Variants in SOHLH1 observed in about 807,000 individuals in gnomAD.
SOHLH1 encodes the protein spermatogenesis and oogenesis specific basic helix-loop-helix 1.
SOHLH1 carries 23 observed loss-of-function variants against 36.2 expected under a neutral mutation model. The observed-to-expected ratio is 0.64, with a 90% CI of 0.46 to 0.90. SOHLH1 has a LOEUF of 0.90. SOHLH1 is among the 40% of genes least tolerant of loss of function. The probability of loss-of-function intolerance (pLI) is 0.00; values close to 1 mark genes in which losing one functional copy is unlikely to be tolerated. For missense variants in SOHLH1, 608 were observed against 517.0 expected (o/e 1.18, Z -1.71); for synonymous variants, 289 against 228.3 (o/e 1.27, Z -2.40).
Position 135,694,477 on chromosome 9 carries a change from C to T in SOHLH1, c.876-20G>A. 1 of 1,611,728 alleles carries T rather than the reference C, an allele frequency of 6.2e-7. No homozygotes were observed. Among genetic ancestry groups the T allele is most frequent in the Non-Finnish European group, 8.5e-7 (1 of 1,179,814 alleles). On this transcript the variant is annotated intron_variant, in intron 6 of 7. Transcript: ENST00000425225. Reference sequence around the variant, plus strand: ...GCAGACCTGGAAGCGACAAGCTCTTCCTCAGTGGCCACAAGCGGACCCAGA... The same window carrying T: ...GCAGACCTGGAAGCGACAAGCTCTTTCTCAGTGGCCACAAGCGGACCCAGA...
chr9:135,699,303 C>G, intron 1 of SOHLH1, 100 bp downstream of exon 1: 1 of 1,498,776 alleles, frequency 6.7e-7, no homozygotes, highest in Non-Finnish European at 9.1e-7. Context: ...GGGCTCCGCC[C>G]CAGGAGGCCC....
At chr9:135,698,586 G>T in intron 2 of SOHLH1, 110 bp from the exon 3 acceptor site, 1 of 1,493,564 alleles carries the variant, frequency 6.7e-7, no homozygotes, top group Non-Finnish European at 9.2e-7. Flanking sequence ...CAGGCAGAGG[G>T]GGCTACAAGA....
chr9:135,699,715 C>T (rs1453901228), upstream of SOHLH1, among the ~76,000 whole-genome samples: 1 of 152,148 alleles, frequency 6.6e-6, no homozygotes, highest in African/African-American at 2.4e-5. Flanking sequence ...TCTATGCCCC[C>T]GCAGGACGCC....
chr9:135,700,374 G>C (rs1330080868), upstream of SOHLH1, among the ~76,000 whole-genome samples: 2 of 152,182 alleles, frequency 1.3e-5, no homozygotes, highest in African/African-American at 4.8e-5. Flanking sequence ...ACGGAGGGAA[G>C]GGGGAGGTGG....
chr9:135,699,327 C>T, intron 1 of SOHLH1, 76 bp downstream of exon 1: 1 of 1,531,038 alleles, frequency 6.5e-7, no homozygotes, highest in Non-Finnish European at 8.9e-7. Flanking sequence ...ATGGGTGGAG[C>T]CCAGCAACTT....
chr9:135,702,108 C>A, upstream of SOHLH1: 1 of 616,596 alleles, frequency 1.6e-6, no homozygotes, highest in Non-Finnish European at 2.7e-6. Context: ...GGGGCGCGCG[C>A]GGACAGACGC....
In SOHLH1 at chr9:135,698,349, GC is replaced by G. The variant is rs761518301; in HGVS notation, c.324del (p.Ser110ValfsTer25). On this transcript the variant is annotated frameshift_variant, in exon 3 of 8. Transcript: ENST00000425225. LOFTEE classifies it high-confidence loss of function. The stretch of plus-strand genomic sequence containing the variant: ...CTCACAGCGTGCTGCTCCTGACTGG[GC>G]CCCAGGGCGCTGGCAAGCCGCAGGA... ...VQFLRLASAL[G>X]PSQEQHAILA... The G allele has an allele frequency of 6.2e-7, 1 of 1,612,982 alleles. No individual in the cohort carries two copies. Among genetic ancestry groups the G allele is most frequent in the South Asian group, 1.1e-5 (1 of 91,080 alleles).
At position 135,693,977 on chromosome 9, in the gene SOHLH1, C is replaced by G. The variant is rs79643407; in HGVS notation, c.947-163G>C. Reference sequence around the variant, plus strand: ...AGGTGGGTGAGCTCATACCTGGTGGCCCCAGACCCAGGACACCTGTTGGAC... The same window carrying G: ...AGGTGGGTGAGCTCATACCTGGTGGGCCCAGACCCAGGACACCTGTTGGAC... On this transcript the variant is annotated intron_variant, in intron 7 of 7. Transcript: ENST00000425225. 5 of 1,430,140 alleles carry G rather than the reference C, an allele frequency of 3.5e-6. No homozygotes were observed. In the African/African-American group the frequency reaches 5.7e-5, roughly 16 times the overall value. 88.6% of individuals were successfully genotyped at this position (1,430,140 alleles called of 1,614,324 possible).
At position 135,695,234 on chromosome 9, in the gene SOHLH1, C is replaced by G. The variant is rs1490078575; in HGVS notation, c.691G>C (p.Gly231Arg). 1 of 1,601,750 alleles carries G rather than the reference C, an allele frequency of 6.2e-7. No homozygotes were observed. Among genetic ancestry groups the G allele is most frequent in the Non-Finnish European group, 8.5e-7 (1 of 1,175,978 alleles). Residue 231 changes from glycine (G) to arginine (R), a missense_variant, in exon 6 of 8, where the codon GGC becomes CGC. Transcript: ENST00000425225. ...CTCACAGCCTTAGGAAGACTCCGGC[C>G]TGGGGGCCACGGCACCAGGCTGGAA... is the stretch of plus-strand genomic sequence containing the variant. ...EPSSLVPWPP[G>R]RSLPKAVRPP...
upstream of SOHLH1, chr9:135,702,104 C>T (rs1835053249): frequency 5.0e-6 from 3 of 601,852 alleles, no homozygotes; most frequent in Non-Finnish European, 5.6e-6. Context: ...GCAGGGGGCG[C>T]GCGCGGACAG....
rs776667698 is a variant in SOHLH1 at position 135,695,181 on chromosome 9, C to A, written c.744G>T (p.Ser248=). ...VRPPLSWPPF[S]QQQTLPVMSG... is the part of the protein sequence containing the mutation. ...TCATCACGGGCAAGGTCTGCTGCTG[C>A]GAGAACGGAGGCCAGGACAGGGGTG... The change falls in exon 6 of 8, where the codon TCG becomes TCT. Residue 248 remains serine (S), a synonymous_variant. Transcript: ENST00000425225. 1.9e-6 allele frequency: 3 copies of A among 1,604,236 alleles called. No individual in the cohort carries two copies. The South Asian group carries it at 3.4e-5, about 18-fold the overall frequency.
At chr9:135,699,375 C>T (rs543519149) in intron 1 of SOHLH1, 28 bp downstream of exon 1, 3 of 1,602,522 alleles carry the variant, frequency 1.9e-6, no homozygotes, top group Non-Finnish European at 2.6e-6. Flanking sequence ...GGGCCCCCAA[C>T]CCCTTGGCCG....
At chr9:135,698,020 G>A (rs1435621120) in intron 3 of SOHLH1, among the ~76,000 whole-genome samples, 2 of 152,170 alleles carry the variant, frequency 1.3e-5, no homozygotes, top group Non-Finnish European at 2.9e-5. Flanking sequence ...TGCTCAGCCA[G>A]GGAGGATCAG....
In SOHLH1 at chr9:135,693,741, C is replaced by A; in HGVS notation, c.1020G>T (p.Glu340Asp). Residue 340 changes from glutamate (E) to aspartate (D), a missense_variant, in exon 8 of 8, where the codon GAG becomes GAT. Physicochemically the swap from Glu to Asp is conservative, Grantham distance 45. Transcript: ENST00000425225. ...PAESSPLDVG[E>D]PGFLGDPELG... ...GCTCAGGGTCCCCTAGGAAGCCTGG[C>A]TCTCCAACATCCAGTGGACTGCTCT... is the stretch of plus-strand genomic sequence containing the variant. 6.3e-7 allele frequency: 1 copy of A among 1,576,246 alleles called. No individual in the cohort carries two copies. The highest frequency in any genetic ancestry group is 1.8e-5 in the Admixed American group (1 of 54,890).
chr9:135,697,140 C>A (rs1834834976), intron 4 of SOHLH1, among the ~76,000 whole-genome samples: 1 of 152,224 alleles, frequency 6.6e-6, no homozygotes, highest in Non-Finnish European at 1.5e-5. Flanking sequence ...CTGAAAAGAA[C>A]CAAATTATCT....
chr9:135,695,667 C>T (rs1834764217), intron 5 of SOHLH1, among the ~76,000 whole-genome samples: 1 of 152,134 alleles, frequency 6.6e-6, no homozygotes, highest in Non-Finnish European at 1.5e-5. Flanking sequence ...TGACACCAGC[C>T]CTGCCAACTG....
Position 135,699,452 on chromosome 9 carries a change from A to G in SOHLH1, c.16T>C (p.Ser6Pro), listed in dbSNP as rs777599451. 1.9e-6 allele frequency: 3 copies of G among 1,612,162 alleles called. No homozygotes were observed. Among genetic ancestry groups the G allele is most frequent in the Non-Finnish European group, 2.5e-6 (3 of 1,179,756 alleles). ...CTGGAGACCTCCGGGTAGGGCTCGG[A>G]GCACCGGGACGCCATGAACTCGCAG... MASRC[S>P]EPYPEVSRIP... is the part of the protein sequence containing the mutation. The change falls in exon 1 of 8, where the codon TCC becomes CCC. Residue 6 changes from serine to proline, a missense_variant. Ser to Pro is a moderately conservative substitution (Grantham distance 74). Transcript: ENST00000425225.
chr9:135,699,079 C>T lies in SOHLH1; in HGVS notation c.113G>A (p.Gly38Asp), dbSNP rs1365239761. Residue 38 changes from glycine (G) to aspartate (D), a missense_variant, in exon 2 of 8, where the codon GGC (glycine) becomes GAC (aspartate). Physicochemically the swap from Gly to Asp is moderately conservative, Grantham distance 94. Coordinates refer to ENST00000425225, the MANE Select transcript of SOHLH1 (RefSeq NM_001101677.2). ...ALSCCEDSAR[G>D]SGPPKAPTVA... ...CGTAGGGGCCTTGGGCGGGCCCGAG[C>T]CCCGGGCCGAGTCCTCGCAGCAGGA... The T allele has an allele frequency of 1.2e-6, 2 of 1,610,506 alleles. No homozygotes were observed. Among genetic ancestry groups the T allele is most frequent in the Admixed American group, 1.7e-5 (1 of 59,944 alleles).
At position 135,697,598 on chromosome 9, in the gene SOHLH1, G is replaced by A. The variant is rs769841874; in HGVS notation, c.375C>T (p.His125=). The change falls in exon 4 of 8, where the codon CAC becomes CAT. Residue 125 remains histidine (H), a synonymous_variant. Transcript: ENST00000425225. ...AILASSKEMW[H]SLQEDVLQLT... is the part of the protein sequence containing the mutation. ...ACTGTAAAACATCCTCCTGCAACGA[G>A]TGCCACATTTCCTTGGAGGAAGCAA... The A allele has an allele frequency of 9.3e-6, 15 of 1,612,330 alleles. No homozygotes were observed. The African/African-American group carries it at 1.6e-4, about 17-fold the overall frequency.
Sources: gnomAD v4.1 joint callset for allele counts (sites outside exome capture counted in the v4.1 genomes callset) on GRCh38, gnomAD v4.1.1 for gene constraint, MANE v1.5 for transcripts, NCBI Gene and HGNC (gene_info 2026-07-23, HGNC 2026-07-21) for gene names.